Variants in PCED1B observed in about 807,000 individuals in gnomAD.
PCED1B encodes the protein PC-esterase domain containing 1B, also known as PC-esterase domain-containing protein 1B.
For missense variants in PCED1B, 573 were observed against 573.9 expected (o/e 1.00, Z 0.02); for synonymous variants, 251 against 246.1 (o/e 1.02, Z -0.19).
chr12:47,178,387 G>T (rs1247002070), intron 2 of PCED1B, among the ~76,000 whole-genome samples: 1 of 152,174 alleles, frequency 6.6e-6, no homozygotes, highest in East Asian at 1.9e-4. Context: ...GCATAAGTGG[G>T]ACACATTGTT....
intron 2 of PCED1B, among the ~76,000 whole-genome samples, chr12:47,154,070 C>T (rs1196355644): frequency 6.6e-6 from 1 of 152,178 alleles, no homozygotes; most frequent in Non-Finnish European, 1.5e-5. Context: ...TCTCCAGGGT[C>T]TCTACACAAC....
chr12:47,192,692 T>C (rs1942483639), intron 2 of PCED1B, among the ~76,000 whole-genome samples: 1 of 152,154 alleles, frequency 6.6e-6, no homozygotes, highest in African/African-American at 2.4e-5. Context: ...GCTGACTGAC[T>C]CCCAGGGCTC....
chr12:47,080,576 G>A (rs917177473), intron 1 of PCED1B, among the ~76,000 whole-genome samples: 1 of 152,140 alleles, frequency 6.6e-6, no homozygotes, highest in Non-Finnish European at 1.5e-5. Flanking sequence ...AAATCGCCAC[G>A]GGGACACCCC....
In PCED1B at chr12:47,202,875, C is replaced by T. The variant is rs150708170; in HGVS notation, c.-525-13347C>T. 4.4e-3 allele frequency among the ~76,000 whole-genome samples: 666 copies of T among 152,030 alleles called. 8 individuals carry two copies. Among genetic ancestry groups the T allele is most frequent in the African/African-American group, 0.015 (629 of 41,518 alleles). Reference sequence around the variant, plus strand: ...CAGTTTGCCAGAATCCTCACTAATCCCAATTGTTCCCAATACTGAGGCTAT... The same window carrying T: ...CAGTTTGCCAGAATCCTCACTAATCTCAATTGTTCCCAATACTGAGGCTAT... On this transcript the variant is annotated intron_variant, in intron 2 of 3. Coordinates refer to ENST00000546455, the MANE Select transcript of PCED1B (RefSeq NM_138371.3).
intron 2 of PCED1B, among the ~76,000 whole-genome samples, chr12:47,117,307 C>T (rs1258617470): frequency 6.6e-6 from 1 of 152,130 alleles, no homozygotes; most frequent in African/African-American, 2.4e-5. Context: ...ATTAACTCGT[C>T]ATTTACATTA....
intron 2 of PCED1B, among the ~76,000 whole-genome samples, chr12:47,188,218 T>G (rs947585736): frequency 6.6e-6 from 1 of 152,128 alleles, no homozygotes; most frequent in African/African-American, 2.4e-5. Flanking sequence ...TCTAACACCA[T>G]TGGGGTCTCT....
At chr12:47,162,002 C>T (rs1024387051) in intron 2 of PCED1B, among the ~76,000 whole-genome samples, 2 of 151,722 alleles carry the variant, frequency 1.3e-5, no homozygotes, top group Non-Finnish European at 2.9e-5. Context: ...TCTCAGCAAA[C>T]TATTGCAAGG....
At chr12:47,148,562 A>C (rs1196219672) in intron 2 of PCED1B, among the ~76,000 whole-genome samples, 1 of 152,178 alleles carries the variant, frequency 6.6e-6, no homozygotes, top group African/African-American at 2.4e-5. Flanking sequence ...TCCCAGTCTT[A>C]ATGGGGGATC....
intron 2 of PCED1B, among the ~76,000 whole-genome samples, chr12:47,207,196 T>A (rs147213698): frequency 2.0e-5 from 3 of 152,224 alleles, no homozygotes; most frequent in African/African-American, 7.2e-5. Flanking sequence ...TAAAGGACTT[T>A]AGCCTGAAGG....
intron 3 of PCED1B, among the ~76,000 whole-genome samples, chr12:47,233,385 G>A (rs1461152726): frequency 2.0e-5 from 3 of 151,816 alleles, no homozygotes; most frequent in Non-Finnish European, 4.4e-5. Context: ...TGATCCACCC[G>A]CCTTGGCCTC....
chr12:47,215,460 G>T (rs1034004883), intron 2 of PCED1B, among the ~76,000 whole-genome samples: 2 of 151,810 alleles, frequency 1.3e-5, no homozygotes, highest in African/African-American at 4.8e-5. Context: ...CACCATGTTG[G>T]CCAGGCTGGT....
At position 47,119,725 on chromosome 12, in the gene PCED1B, T is replaced by A. The variant is rs1047972979; in HGVS notation, c.-526+15530T>A. On this transcript the variant is annotated intron_variant, in intron 2 of 3. Coordinates refer to ENST00000546455, the MANE Select transcript of PCED1B (RefSeq NM_138371.3). ...CGGGCGTGGTGGCTCACACCTATAATCCCAGCACTTTGGGAGGTTGAGGCG... is the reference window on the plus strand; with the variant it reads ...CGGGCGTGGTGGCTCACACCTATAAACCCAGCACTTTGGGAGGTTGAGGCG... Among the ~76,000 whole-genome samples the A allele has an allele frequency of 2.6e-5, 4 of 152,128 alleles. No homozygotes were observed. The East Asian group carries it at 7.8e-4, about 29-fold the overall frequency.
intron 2 of PCED1B, among the ~76,000 whole-genome samples, chr12:47,204,213 T>G (rs1942852577): frequency 6.6e-6 from 1 of 152,178 alleles, no homozygotes; most frequent in African/African-American, 2.4e-5. Flanking sequence ...CATCCCAAAG[T>G]GCTGGGATTA....
chr12:47,174,545 C>G (rs1941861621), intron 2 of PCED1B, among the ~76,000 whole-genome samples: 1 of 152,196 alleles, frequency 6.6e-6, no homozygotes, highest in Admixed American at 6.5e-5. Flanking sequence ...CTTCTTTTGG[C>G]TGTGCATTGG....
chr12:47,111,233 T>C (rs1368264526), intron 2 of PCED1B, among the ~76,000 whole-genome samples: 1 of 152,192 alleles, frequency 6.6e-6, no homozygotes, highest in Non-Finnish European at 1.5e-5. Flanking sequence ...CTGCCCTAGA[T>C]GAGTTCACTT....
chr12:47,195,032 G>T (rs1942558411), intron 2 of PCED1B, among the ~76,000 whole-genome samples: 4 of 152,298 alleles, frequency 2.6e-5, no homozygotes, highest in Middle Eastern at 6.8e-3. Flanking sequence ...TTCATCTTTA[G>T]AAATATTTCT....
At chr12:47,133,610 T>A (rs1299385433) in intron 2 of PCED1B, among the ~76,000 whole-genome samples, 1 of 152,142 alleles carries the variant, frequency 6.6e-6, no homozygotes, top group African/African-American at 2.4e-5. Flanking sequence ...CTGGTGTGCA[T>A]TAAATAAGCC....
intron 2 of PCED1B, among the ~76,000 whole-genome samples, chr12:47,119,533 A>T (rs1048024610): frequency 6.6e-6 from 1 of 151,870 alleles, no homozygotes; most frequent in Non-Finnish European, 1.5e-5. Flanking sequence ...GCATCTCTTA[A>T]AAAAAAGAAA....
chr12:47,170,842 T>A (rs1941706182), intron 2 of PCED1B, among the ~76,000 whole-genome samples: 1 of 152,140 alleles, frequency 6.6e-6, no homozygotes, highest in Admixed American at 6.5e-5. Context: ...TACTTTGCAT[T>A]TCCTCTTTTT....
Sources: allele counts gnomAD v4.1 joint callset (sites outside exome capture counted in the v4.1 genomes callset), GRCh38; gene constraint gnomAD v4.1.1; transcripts MANE v1.5; gene names NCBI Gene and HGNC (gene_info 2026-07-23, HGNC 2026-07-21).